Variants in ATP9B observed in about 807,000 individuals in gnomAD.
The protein encoded by ATP9B is ATPase phospholipid transporting 9B, also known as probable phospholipid-transporting ATPase IIB.
Under a neutral mutation model 146.1 loss-of-function variants are expected in ATP9B, and 110 were observed. The ratio of observed to expected loss-of-function variants is 0.75; its 90% CI spans 0.65 to 0.88. ATP9B has a LOEUF of 0.88. Among genes scored for constraint, ATP9B ranks in the 40% least tolerant of loss-of-function variants. The probability of loss-of-function intolerance (pLI) is 0.00; values close to 1 mark genes in which losing one functional copy is unlikely to be tolerated. For missense variants in ATP9B, 1,499 were observed against 1,496.4 expected, an observed-to-expected ratio of 1.00 and a Z score of -0.03; for synonymous variants, 604 against 569.7, an observed-to-expected ratio of 1.06 and a Z score of -0.86.
At chr18:79,076,537 C>T (rs575602392) in intron 1 of ATP9B, among the ~76,000 whole-genome samples, 1 of 152,182 alleles carries the variant, frequency 6.6e-6, no homozygotes, top group East Asian at 1.9e-4. Context: ...GTTGTTTTTC[C>T]TTTTGAGATA....
chr18:79,162,304 G>A (rs1035451345), intron 7 of ATP9B, among the ~76,000 whole-genome samples: 1 of 152,186 alleles, frequency 6.6e-6, no homozygotes, highest in East Asian at 1.9e-4. Context: ...TGGGCTGTGA[G>A]CTGATTGTTT....
chr18:79,106,273 C>G (rs1352148065), intron 2 of ATP9B, among the ~76,000 whole-genome samples: 1 of 152,192 alleles, frequency 6.6e-6, no homozygotes, highest in East Asian at 1.9e-4. Context: ...CCAAGGACTT[C>G]TGTTTGCTTC....
intron 4 of ATP9B, among the ~76,000 whole-genome samples, chr18:79,116,871 A>G (rs1485782789): frequency 2.5e-4 from 29 of 117,060 alleles, no homozygotes; most frequent in Non-Finnish European, 4.8e-4. Flanking sequence ...ATGTATACAT[A>G]TGTAACTAAC....
chr18:79,087,816 C>G (rs965863136), intron 1 of ATP9B: 1 of 152,060 alleles, frequency 6.6e-6, no homozygotes, highest in African/African-American at 2.4e-5. Flanking sequence ...GATAGCTGTC[C>G]TTGTTTCTTA....
At chr18:79,335,416 A>G (rs549296667) in intron 17 of ATP9B, among the ~76,000 whole-genome samples, 2 of 152,282 alleles carry the variant, frequency 1.3e-5, no homozygotes, top group African/African-American at 4.8e-5. Context: ...TTCTTCACCC[A>G]TCACCAGCTA....
chr18:79,286,573 G>A (rs374378341), intron 13 of ATP9B, among the ~76,000 whole-genome samples: 3,505 of 151,646 alleles, frequency 0.023, 110 homozygotes, highest in African/African-American at 0.074. Flanking sequence ...AACAGGGACA[G>A]TTTGACTTCC....
chr18:79,169,645 A>T (rs1367103324), intron 7 of ATP9B, among the ~76,000 whole-genome samples: 2 of 152,218 alleles, frequency 1.3e-5, no homozygotes, highest in East Asian at 3.8e-4. Flanking sequence ...TTTGTTAATT[A>T]TGAATACTTA....
intron 5 of ATP9B, among the ~76,000 whole-genome samples, chr18:79,139,959 AAACCT>A (rs1404501782): frequency 6.6e-6 from 1 of 150,794 alleles, no homozygotes; most frequent in African/African-American, 2.4e-5. Context: ...GTTACCCTTT[AAACCT>A]ATCGTAGGAT....
At chr18:79,092,947 A>G (rs2074465831) in intron 1 of ATP9B, among the ~76,000 whole-genome samples, 1 of 152,220 alleles carries the variant, frequency 6.6e-6, no homozygotes, top group Non-Finnish European at 1.5e-5. Flanking sequence ...ATTAGTTATG[A>G]TTGTCAGGTA....
chr18:79,356,453 T>A (rs2096953762), intron 25 of ATP9B, among the ~76,000 whole-genome samples: 1 of 152,234 alleles, frequency 6.6e-6, no homozygotes, highest in Non-Finnish European at 1.5e-5. Flanking sequence ...ACAGCAGTTT[T>A]ATTTGTGATC....
chr18:79,209,803 A>T, intron 10 of ATP9B: 1 of 419,890 alleles, frequency 2.4e-6, no homozygotes, highest in South Asian at 1.0e-4. Context: ...ACATATCTTT[A>T]TTTAAAAGCC....
intron 2 of ATP9B, among the ~76,000 whole-genome samples, chr18:79,108,625 A>G (rs762839246): frequency 6.6e-6 from 1 of 152,230 alleles, no homozygotes; most frequent in South Asian, 2.1e-4. Flanking sequence ...TTGCTTGGCT[A>G]TCCCCGTGGC....
intron 8 of ATP9B, among the ~76,000 whole-genome samples, chr18:79,177,242 T>C (rs1477074340): frequency 6.6e-6 from 1 of 152,102 alleles, no homozygotes. Flanking sequence ...TTCAATTTAT[T>C]TTATTTTTTA....
At position 79,216,404 on chromosome 18, in the gene ATP9B, C is replaced by A. The variant is rs908509133; in HGVS notation, c.1107+2366C>A. On this transcript the variant is annotated intron_variant, in intron 11 of 29. Transcript: ENST00000426216. ...AGCCTCTTCACCCTCTCCACCCTCC[C>A]CTCTCTGAAGTGGGCTTGCCAGGAA... Among the ~76,000 whole-genome samples the A allele has an allele frequency of 2.0e-5, 3 of 152,200 alleles. No homozygotes were observed. The East Asian group carries it at 5.8e-4, about 29-fold the overall frequency.
chr18:79,310,996 T>C (rs1007098369), intron 15 of ATP9B, among the ~76,000 whole-genome samples: 1 of 151,816 alleles, frequency 6.6e-6, no homozygotes, highest in African/African-American at 2.4e-5. Context: ...ACCAAAAATA[T>C]AAAAAATTAG....
intron 12 of ATP9B, among the ~76,000 whole-genome samples, chr18:79,263,324 G>A (rs761998617): frequency 6.6e-5 from 10 of 152,138 alleles, no homozygotes; most frequent in African/African-American, 1.4e-4. Flanking sequence ...AAACCTACCC[G>A]TGGGACAAGT....
At chr18:79,355,737 C>A (rs2096948531) in intron 25 of ATP9B, among the ~76,000 whole-genome samples, 1 of 152,114 alleles carries the variant, frequency 6.6e-6, no homozygotes, top group African/African-American at 2.4e-5. Context: ...TGAAAACCTC[C>A]CAGATTTGGC....
intron 12 of ATP9B, among the ~76,000 whole-genome samples, chr18:79,272,059 A>G (rs2096261559): frequency 1.3e-5 from 2 of 152,292 alleles, no homozygotes; most frequent in East Asian, 1.9e-4. Context: ...GCTTGTTCAT[A>G]TCCTTCACCC....
At chr18:79,242,423 A>G (rs984747373) in intron 11 of ATP9B, among the ~76,000 whole-genome samples, 3 of 152,250 alleles carry the variant, frequency 2.0e-5, no homozygotes, top group Non-Finnish European at 2.9e-5. Flanking sequence ...TATATCAAAT[A>G]GTTTACAAAA....
Sources: gnomAD v4.1 joint callset for allele counts (sites outside exome capture counted in the v4.1 genomes callset) on GRCh38, gnomAD v4.1.1 for gene constraint, MANE v1.5 for transcripts, NCBI Gene and HGNC (gene_info 2026-07-23, HGNC 2026-07-21) for gene names.